SLC39A11: variants seen among roughly 807,000 people sequenced by gnomAD.
The protein encoded by SLC39A11 is zinc transporter ZIP11.
SLC39A11 carries 33 observed loss-of-function variants against 36.1 expected under a neutral mutation model. That is an observed-to-expected ratio of 0.91 (90% CI 0.69 to 1.22). The LOEUF (loss-of-function observed/expected upper bound fraction) is 1.22, where lower values mean the gene tolerates loss of function less well. Among genes scored for constraint, SLC39A11 ranks in the 50% most tolerant of loss-of-function variants. SLC39A11 has a pLI of 0.00. For missense variants in SLC39A11, 432 were observed against 430.3 expected (o/e 1.00, Z -0.03); for synonymous variants, 166 against 170.3 (o/e 0.97, Z 0.20).
intron 4 of SLC39A11, among the ~76,000 whole-genome samples, chr17:72,995,860 G>A (rs1234462382): frequency 6.6e-6 from 1 of 151,864 alleles, no homozygotes; most frequent in South Asian, 2.1e-4. Flanking sequence ...TCCTCCCCCC[G>A]CCCAATGAAT....
At chr17:72,937,052 G>A (rs1014650515) in intron 5 of SLC39A11, among the ~76,000 whole-genome samples, 1 of 152,204 alleles carries the variant, frequency 6.6e-6, no homozygotes, top group Non-Finnish European at 1.5e-5. Context: ...GTTAGCAAGC[G>A]CCAGTGGGCT....
chr17:73,041,542 C>T (rs1485053933), intron 3 of SLC39A11, among the ~76,000 whole-genome samples: 1 of 152,194 alleles, frequency 6.6e-6, no homozygotes, highest in African/African-American at 2.4e-5. Flanking sequence ...GGACCCCCAG[C>T]CCAGCTAAGG....
chr17:72,995,549 C>T (rs561868598), intron 4 of SLC39A11, among the ~76,000 whole-genome samples: 24 of 152,288 alleles, frequency 1.6e-4, no homozygotes, highest in Admixed American at 1.2e-3. Flanking sequence ...AGGCAGATGG[C>T]CCTCCCAGCA....
chr17:72,697,029 C>T (rs928581881), intron 7 of SLC39A11, among the ~76,000 whole-genome samples: 1 of 152,218 alleles, frequency 6.6e-6, no homozygotes, highest in Non-Finnish European at 1.5e-5. Flanking sequence ...TGCTAATAGC[C>T]ATAACACCAG....
intron 3 of SLC39A11, among the ~76,000 whole-genome samples, chr17:73,069,141 C>T (rs1281101736): frequency 6.6e-6 from 1 of 152,168 alleles, no homozygotes; most frequent in Non-Finnish European, 1.5e-5. Context: ...TTCCCCACTC[C>T]CATCCTTACT....
chr17:72,959,275 ATCAG>A (rs937084456), intron 4 of SLC39A11, among the ~76,000 whole-genome samples: 1 of 146,846 alleles, frequency 6.8e-6, no homozygotes, highest in Non-Finnish European at 1.5e-5. Flanking sequence ...CCAAATGCCC[ATCAG>A]TCAATGAGTG....
intron 7 of SLC39A11, among the ~76,000 whole-genome samples, chr17:72,699,032 T>C (rs1403920419): frequency 6.6e-6 from 1 of 152,132 alleles, no homozygotes; most frequent in African/African-American, 2.4e-5. Context: ...GGTTTCACCA[T>C]GTTAGCCAGG....
chr17:72,647,480 A>G lies in SLC39A11; in HGVS notation c.*104T>C, dbSNP rs2069607518. 3.6e-6 allele frequency: 3 copies of G among 841,734 alleles called. No homozygotes were observed. Among genetic ancestry groups the G allele is most frequent in the Admixed American group, 5.1e-5 (2 of 39,312 alleles). The allele number at this position is 841,734 out of a possible 1,614,324, so 52.1% of individuals were successfully genotyped here. A position where few individuals can be genotyped will look rare whatever the true frequency, so the allele number is the denominator to read the frequency against. On this transcript the variant is annotated 3_prime_UTR_variant, in exon 10 of 10. Coordinates refer to ENST00000255559, the MANE Select transcript of SLC39A11 (RefSeq NM_139177.4). ...AGGATAATGAGATGAAGAAGAGAGG[A>G]AGGAAAAAAGTTTTAATGTGAAGAA...
intron 7 of SLC39A11, among the ~76,000 whole-genome samples, chr17:72,670,212 CATATAT>C (rs1201687637): frequency 8.0e-6 from 1 of 125,174 alleles, no homozygotes; most frequent in Non-Finnish European, 1.7e-5. Context: ...CACACACACA[CATATAT>C]ATATATGCCA....
chr17:72,720,275 C>T (rs1305971880), intron 7 of SLC39A11, among the ~76,000 whole-genome samples: 1 of 152,138 alleles, frequency 6.6e-6, no homozygotes, highest in Non-Finnish European at 1.5e-5. Flanking sequence ...CCTGGGAGGG[C>T]CTCGGGGGAA....
chr17:72,956,513 C>T (rs1287449271), intron 4 of SLC39A11, among the ~76,000 whole-genome samples: 3 of 152,120 alleles, frequency 2.0e-5, no homozygotes, highest in Non-Finnish European at 2.9e-5. Flanking sequence ...TTTTTCTTTT[C>T]GCTCAAAAAT....
intron 3 of SLC39A11, among the ~76,000 whole-genome samples, chr17:73,065,782 C>A (rs1331149076): frequency 6.6e-6 from 1 of 152,204 alleles, no homozygotes; most frequent in East Asian, 1.9e-4. Context: ...TTAGGCTTAA[C>A]TGGGGCTTCA....
At chr17:72,733,907 T>C (rs2074326081) in intron 7 of SLC39A11, among the ~76,000 whole-genome samples, 1 of 152,148 alleles carries the variant, frequency 6.6e-6, no homozygotes, top group Non-Finnish European at 1.5e-5. Flanking sequence ...GCACAGATGC[T>C]GGTTCGAAAG....
intron 3 of SLC39A11, among the ~76,000 whole-genome samples, chr17:73,035,133 T>C (rs1598949226): frequency 6.6e-6 from 1 of 152,016 alleles, no homozygotes; most frequent in African/African-American, 2.4e-5. Flanking sequence ...ATTCTTTTTG[T>C]TTTTTGTTTT....
At chr17:72,909,294 CA>C (rs2082837707) in intron 5 of SLC39A11, among the ~76,000 whole-genome samples, 1 of 152,310 alleles carries the variant, frequency 6.6e-6, no homozygotes, top group African/African-American at 2.4e-5. Flanking sequence ...CTAACTGGTC[CA>C]GTAGGTATGA....
At chr17:72,918,273 G>C (rs1209748280) in intron 5 of SLC39A11, among the ~76,000 whole-genome samples, 1 of 152,230 alleles carries the variant, frequency 6.6e-6, no homozygotes, top group African/African-American at 2.4e-5. Context: ...GCCAGGAGTG[G>C]TGGCACATGC....
At chr17:72,806,736 C>T (rs1398549237) in intron 6 of SLC39A11, among the ~76,000 whole-genome samples, 1 of 152,164 alleles carries the variant, frequency 6.6e-6, no homozygotes, top group Non-Finnish European at 1.5e-5. Context: ...GCGCCCGTCA[C>T]CATGCCGGGC....
intron 4 of SLC39A11, among the ~76,000 whole-genome samples, chr17:72,958,466 C>G (rs1424999072): frequency 6.6e-6 from 1 of 152,120 alleles, no homozygotes; most frequent in Admixed American, 6.5e-5. Flanking sequence ...GACAAAGGAC[C>G]AATATCCAGG....
chr17:72,714,078 G>A (rs927534161), intron 7 of SLC39A11, among the ~76,000 whole-genome samples: 15 of 152,168 alleles, frequency 9.9e-5, no homozygotes, highest in Admixed American at 2.6e-4. Context: ...GGCTCAGGCC[G>A]GGCGCGGTGG....
Sources: gnomAD v4.1 joint callset for allele counts (sites outside exome capture counted in the v4.1 genomes callset) on GRCh38, gnomAD v4.1.1 for gene constraint, MANE v1.5 for transcripts, NCBI Gene and HGNC (gene_info 2026-07-23, HGNC 2026-07-21) for gene names.